LPAR6: variants seen among roughly 807,000 people sequenced by gnomAD.
LPAR6 encodes G-protein coupled purinergic receptor P2Y5.
Under a neutral mutation model 22.0 loss-of-function variants are expected in LPAR6, and 17 were observed. The ratio of observed to expected loss-of-function variants is 0.77; its 90% CI spans 0.53 to 1.16. The LOEUF (loss-of-function observed/expected upper bound fraction) is 1.16, where lower values mean the gene tolerates loss of function less well. LPAR6 is among the 50% of genes most tolerant of loss of function. The pLI is 0.00. For missense variants in LPAR6, 384 were observed against 406.9 expected (o/e 0.94, Z 0.48); for synonymous variants, 136 against 139.8 (o/e 0.97, Z 0.19).
chr13:48,437,313 T>C (rs924226325), intron 1 of LPAR6, among the ~76,000 whole-genome samples: 13 of 152,194 alleles, frequency 8.5e-5, no homozygotes, highest in Non-Finnish European at 1.6e-4. Context: ...GAAACAATGC[T>C]TTAGAAAGAA....
chr13:48,428,506 A>G (rs958106486), upstream of LPAR6, among the ~76,000 whole-genome samples: 1 of 152,242 alleles, frequency 6.6e-6, no homozygotes, highest in Admixed American at 6.5e-5. Flanking sequence ...GAAGGGACAA[A>G]CATTGAAACC....
In LPAR6 at chr13:48,412,319, A is replaced by G. The variant is rs372877264; in HGVS notation, c.105T>C (p.Asn35=). 4.3e-5 allele frequency: 70 copies of G among 1,613,104 alleles called. No homozygotes were observed. The African/African-American group carries it at 4.8e-4, about 11-fold the overall frequency. Residue 35 remains asparagine (N), a synonymous_variant, in exon 1 of 1, where the codon AAT becomes AAC. Coordinates refer to ENST00000620633, the MANE Select transcript of LPAR6 (RefSeq NM_001162498.3). The part of the protein sequence containing the change: ...SMVFVLGLIS[N]CVAIYIFICV... The stretch of plus-strand genomic sequence containing the variant: ...AGATGAAAATGTATATGGCAACACA[A>G]TTGGATATTAACCCAAGCACAAACA...
At chr13:48,431,907 G>A (rs1949133526), upstream of LPAR6, among the ~76,000 whole-genome samples, 8 of 151,946 alleles carry the variant, frequency 5.3e-5, no homozygotes, top group African/African-American at 1.9e-4. Flanking sequence ...TTTTCCAGTA[G>A]CAAAATATTT....
intron 1 of LPAR6, among the ~76,000 whole-genome samples, chr13:48,395,154 G>T (rs572003488): frequency 2.0e-5 from 3 of 152,302 alleles, no homozygotes; most frequent in South Asian, 2.1e-4. Context: ...CAGCAGAGGG[G>T]CCTGACTGTT....
At chr13:48,420,334 C>T (rs1948986544) in intron 2 of LPAR6, among the ~76,000 whole-genome samples, 1 of 152,200 alleles carries the variant, frequency 6.6e-6, no homozygotes, top group African/African-American at 2.4e-5. Flanking sequence ...TGAAATTCAA[C>T]ACTGCTTCAT....
At position 48,411,565 on chromosome 13, in the gene LPAR6, C is replaced by G. The variant is rs1948802559; in HGVS notation, c.859G>C (p.Asp287His). 6.2e-7 allele frequency: 1 copy of G among 1,613,572 alleles called. No homozygotes were observed. Among genetic ancestry groups the G allele is most frequent in the East Asian group, 2.2e-5 (1 of 44,790 alleles). The change falls in exon 1 of 1, where the codon GAC becomes CAC. Residue 287 changes from aspartate (D) to histidine (H), a missense_variant. Asp to His is a moderately conservative substitution (Grantham distance 81). Coordinates refer to ENST00000620633, the MANE Select transcript of LPAR6 (RefSeq NM_001162498.3). Reference sequence around the variant, plus strand: ...GATGTAAAGTAGTAAACTATAGGGTCAAAACAACAGTTGGAAACAGCAATA... The same window carrying G: ...GATGTAAAGTAGTAAACTATAGGGTGAAAACAACAGTTGGAAACAGCAATA... The part of the protein sequence containing the change: ...LCIAVSNCCF[D>H]PIVYYFTSDT...
intron 1 of LPAR6, among the ~76,000 whole-genome samples, chr13:48,438,907 T>C (rs1178455161): frequency 1.3e-5 from 2 of 152,014 alleles, no homozygotes; most frequent in Non-Finnish European, 2.9e-5. Context: ...AACAACTCTA[T>C]GTAGTGGGTA....
chr13:48,408,705 T>C (rs1157156958), downstream of LPAR6: 1 of 152,200 alleles, frequency 6.6e-6, no homozygotes, highest in Non-Finnish European at 1.5e-5. Context: ...GAAAACCATG[T>C]TTGTTATCTG....
intron 1 of LPAR6, among the ~76,000 whole-genome samples, chr13:48,425,642 C>G (rs1949068913): frequency 6.6e-6 from 1 of 151,900 alleles, no homozygotes; most frequent in African/African-American, 2.4e-5. Flanking sequence ...CTCTTGAGCC[C>G]AGGAATTCCA....
At chr13:48,431,811 A>G (rs984445733), upstream of LPAR6, among the ~76,000 whole-genome samples, 6 of 152,210 alleles carry the variant, frequency 3.9e-5, no homozygotes, top group Admixed American at 2.0e-4. Context: ...TGCCCTGGCC[A>G]TATAAATAGG....
Position 48,411,457 on chromosome 13 carries a change from C to T in LPAR6, c.967G>A (p.Glu323Lys), listed in dbSNP as rs767102500. The stretch of plus-strand genomic sequence containing the variant: ...TGTAGGTTATGCTGAATAAAATTCT[C>T]TGCACCATGAACTTCAGAGAATCTG... ...DFRFSEVHGA[E>K]NFIQHNLQTL... Residue 323 changes from glutamate to lysine, a missense_variant, in exon 1 of 1, where the codon GAG becomes AAG. Physicochemically the swap from Glu to Lys is moderately conservative, Grantham distance 56. Transcript: ENST00000620633. The T allele has an allele frequency of 1.5e-5, 24 of 1,613,262 alleles. No homozygotes were observed. In the Admixed American group the frequency reaches 4.0e-4, roughly 27 times the overall value.
chr13:48,428,615 C>T (rs1422615754), upstream of LPAR6, among the ~76,000 whole-genome samples: 21 of 152,214 alleles, frequency 1.4e-4, no homozygotes, highest in Admixed American at 1.4e-3. Flanking sequence ...CTTTTTAAAA[C>T]ACTAAATTCT....
At chr13:48,395,000 C>T (rs1948636916) in intron 1 of LPAR6, among the ~76,000 whole-genome samples, 1 of 152,164 alleles carries the variant, frequency 6.6e-6, no homozygotes, top group Non-Finnish European at 1.5e-5. Flanking sequence ...AGGAGAGTTC[C>T]AGCTGCCATC....
chr13:48,391,423 G>A (rs1948609557), intron 1 of LPAR6: 1 of 151,944 alleles, frequency 6.6e-6, no homozygotes, highest in South Asian at 2.1e-4. Flanking sequence ...TTCATTCCTT[G>A]TGTAGATCCA....
upstream of LPAR6, among the ~76,000 whole-genome samples, chr13:48,430,749 A>AAAAC (rs1949121064): frequency 2.3e-5 from 2 of 88,214 alleles, no homozygotes; most frequent in Admixed American, 1.4e-4. Context: ...CAAAAACAAA[A>AAAAC]AAACAAACAA....
rs1566212050 is a variant in LPAR6 at position 48,411,943 on chromosome 13, C to T, written c.481G>A (p.Gly161Ser). The change falls in exon 1 of 1, where the codon GGT becomes AGT. Residue 161 changes from glycine to serine, a missense_variant. By Grantham distance (56) the Gly-to-Ser change is moderately conservative. Coordinates refer to ENST00000620633, the MANE Select transcript of LPAR6 (RefSeq NM_001162498.3). Reference protein sequence around the residue: ...AVFVQSTHSQGNNASEACFEN... With the variant: ...AVFVQSTHSQSNNASEACFEN... ...AAGCAGGCTTCTGAGGCATTGTTAC[C>T]CTGAGAGTGGGTAGACTGAACAAAA... 1 of 1,612,396 alleles carries T rather than the reference C, an allele frequency of 6.2e-7. No individual in the cohort carries two copies. The highest frequency in any genetic ancestry group is 8.5e-7 in the Non-Finnish European group (1 of 1,179,126).
chr13:48,418,380 A>T (rs1041044496), intron 2 of LPAR6, among the ~76,000 whole-genome samples: 8 of 152,202 alleles, frequency 5.3e-5, no homozygotes, highest in Non-Finnish European at 1.5e-5. Flanking sequence ...TCCTGAAGGA[A>T]GCACTAAATA....
intron 1 of LPAR6, among the ~76,000 whole-genome samples, chr13:48,432,759 T>C (rs1566224678): frequency 6.6e-6 from 1 of 152,126 alleles, no homozygotes; most frequent in Non-Finnish European, 1.5e-5. Context: ...GAATATAAAA[T>C]TTTATTTCCT....
chr13:48,443,894 G>A (rs1949262065), intron 1 of LPAR6, among the ~76,000 whole-genome samples: 1 of 152,078 alleles, frequency 6.6e-6, no homozygotes, highest in Non-Finnish European at 1.5e-5. Flanking sequence ...AGAACATAGT[G>A]ATGTGTAGGA....
Sources: allele counts gnomAD v4.1 joint callset (sites outside exome capture counted in the v4.1 genomes callset), GRCh38; gene constraint gnomAD v4.1.1; transcripts MANE v1.5; gene names NCBI Gene and HGNC (gene_info 2026-07-23, HGNC 2026-07-21).